MAD1L1: variants seen among roughly 807,000 people sequenced by gnomAD.
The protein encoded by MAD1L1 is mitotic spindle assembly checkpoint protein MAD1.
Under a neutral mutation model 96.9 loss-of-function variants are expected in MAD1L1, and 95 were observed. The ratio of observed to expected loss-of-function variants is 0.98; its 90% CI spans 0.83 to 1.16. MAD1L1 has a LOEUF of 1.16. MAD1L1 is among the 50% of genes most tolerant of loss of function. The pLI, the probability that MAD1L1 is intolerant of heterozygous loss-of-function variation, is 0.00. For missense variants in MAD1L1, 1,007 were observed against 954.4 expected (o/e 1.06, Z -0.73); for synonymous variants, 473 against 396.6 (o/e 1.19, Z -2.29).
chr7:2,155,914 CT>C (rs1221676285), intron 10 of MAD1L1, among the ~76,000 whole-genome samples: 2 of 152,148 alleles, frequency 1.3e-5, no homozygotes, highest in African/African-American at 4.8e-5. Flanking sequence ...CTTTCTCCAT[CT>C]CATAGTTTTT....
intron 18 of MAD1L1, among the ~76,000 whole-genome samples, chr7:1,844,849 G>T (rs918998854): frequency 7.3e-6 from 1 of 136,954 alleles, no homozygotes; most frequent in Admixed American, 7.8e-5. Context: ...GCACCTGAGC[G>T]TGTCCTCCTC....
chr7:2,052,567 A>G (rs1273199616), intron 12 of MAD1L1, among the ~76,000 whole-genome samples: 2 of 152,174 alleles, frequency 1.3e-5, no homozygotes, highest in Admixed American at 6.5e-5. Flanking sequence ...GGGCCTAGGT[A>G]TACAGTGGAA....
At chr7:1,910,526 T>G (rs960158781) in intron 17 of MAD1L1, among the ~76,000 whole-genome samples, 6 of 152,326 alleles carry the variant, frequency 3.9e-5, no homozygotes, top group African/African-American at 1.4e-4. Context: ...GGCACTGCCC[T>G]GGGGGCTGAG....
intron 11 of MAD1L1, among the ~76,000 whole-genome samples, chr7:2,124,933 G>A (rs1487331897): frequency 6.6e-6 from 1 of 152,194 alleles, no homozygotes; most frequent in East Asian, 1.9e-4. Flanking sequence ...CGGCCTTCCA[G>A]CCCCAGGGCA....
At chr7:2,199,638 G>T (rs1792176999) in intron 10 of MAD1L1, among the ~76,000 whole-genome samples, 1 of 152,264 alleles carries the variant, frequency 6.6e-6, no homozygotes, top group Non-Finnish European at 1.5e-5. Context: ...CCTGGCACGG[G>T]CAGGGGTGCC....
At chr7:2,120,829 T>G (rs1787942819) in intron 11 of MAD1L1, among the ~76,000 whole-genome samples, 1 of 152,186 alleles carries the variant, frequency 6.6e-6, no homozygotes, top group Non-Finnish European at 1.5e-5. Flanking sequence ...CCTCAGGAGC[T>G]GCTTCCGTTT....
intron 12 of MAD1L1, among the ~76,000 whole-genome samples, chr7:2,017,607 CG>C (rs1373812669): frequency 3.9e-5 from 6 of 152,080 alleles, no homozygotes; most frequent in Admixed American, 2.6e-4. Context: ...TGGGAGGCAG[CG>C]GTGGGGAAGG....
chr7:2,078,914 G>C (rs1785502827), intron 11 of MAD1L1, among the ~76,000 whole-genome samples: 1 of 152,252 alleles, frequency 6.6e-6, no homozygotes, highest in African/African-American at 2.4e-5. Flanking sequence ...TGACCTCCAG[G>C]GTCTCCAGGG....
At chr7:1,983,466 G>T (rs573903282) in intron 14 of MAD1L1, among the ~76,000 whole-genome samples, 1 of 152,126 alleles carries the variant, frequency 6.6e-6, no homozygotes. Flanking sequence ...GGGATTGATA[G>T]GTAACATTTC....
intron 15 of MAD1L1, among the ~76,000 whole-genome samples, chr7:1,973,795 G>A (rs1179258468): frequency 3.9e-5 from 6 of 152,154 alleles, no homozygotes; most frequent in East Asian, 3.9e-4. Context: ...TGTAGGCTCC[G>A]ATCCCTGTTG....
At chr7:1,820,329 A>C (rs1782058774) in intron 18 of MAD1L1, among the ~76,000 whole-genome samples, 1 of 152,186 alleles carries the variant, frequency 6.6e-6, no homozygotes, top group Non-Finnish European at 1.5e-5. Flanking sequence ...TCAGGAAAGG[A>C]GAAAGATCTC....
chr7:2,069,409 C>T, intron 11 of MAD1L1, 71 bp from the exon 12 acceptor site: 4 of 1,417,190 alleles, frequency 2.8e-6, no homozygotes, highest in Non-Finnish European at 3.7e-6. Flanking sequence ...CCGCCCCACC[C>T]CAGGAACGAG....
intron 15 of MAD1L1, among the ~76,000 whole-genome samples, chr7:1,967,827 C>T (rs1162157434): frequency 6.6e-6 from 1 of 151,996 alleles, no homozygotes; most frequent in African/African-American, 2.4e-5. Flanking sequence ...ACAGAGCACA[C>T]GGCAAACACC....
At chr7:2,014,676 G>C in intron 12 of MAD1L1, 34 bp from the exon 13 acceptor site, 2 of 1,576,200 alleles carry the variant, frequency 1.3e-6, no homozygotes, top group Non-Finnish European at 1.7e-6. Context: ...TCAGGACCCG[G>C]GACGGGGGAT....
chr7:1,997,013 G>C (rs1159141721), intron 14 of MAD1L1, among the ~76,000 whole-genome samples: 1 of 152,114 alleles, frequency 6.6e-6, no homozygotes, highest in Non-Finnish European at 1.5e-5. Context: ...TAATTAGGGG[G>C]GTTCGCTAAT....
At chr7:1,851,336 G>A (rs1783966781) in intron 18 of MAD1L1, among the ~76,000 whole-genome samples, 1 of 152,242 alleles carries the variant, frequency 6.6e-6, no homozygotes, top group Non-Finnish European at 1.5e-5. Flanking sequence ...GAAGGTGGGG[G>A]AGGGTGTCTG....
intron 10 of MAD1L1, among the ~76,000 whole-genome samples, chr7:2,170,151 T>C (rs1790643278): frequency 6.6e-6 from 1 of 152,124 alleles, no homozygotes; most frequent in Non-Finnish European, 1.5e-5. Context: ...CCAGGGCTTG[T>C]CCCTATGGGC....
chr7:2,105,978 C>G (rs1307581704), intron 11 of MAD1L1, among the ~76,000 whole-genome samples: 1 of 151,766 alleles, frequency 6.6e-6, no homozygotes, highest in Non-Finnish European at 1.5e-5. Context: ...AGCCCTGCCC[C>G]TGCCCCTGCC....
chr7:2,096,729 C>G (rs1786510094), intron 11 of MAD1L1, among the ~76,000 whole-genome samples: 1 of 152,166 alleles, frequency 6.6e-6, no homozygotes, highest in African/African-American at 2.4e-5. Flanking sequence ...CAACTCAGGC[C>G]CCTTCACGAG....
Sources: allele counts gnomAD v4.1 joint callset (sites outside exome capture counted in the v4.1 genomes callset), GRCh38; gene constraint gnomAD v4.1.1; transcripts MANE v1.5; gene names NCBI Gene and HGNC (gene_info 2026-07-23, HGNC 2026-07-21).